Variants in RASA2 observed in about 807,000 individuals in gnomAD.
The protein encoded by RASA2 is RAS p21 protein activator 2.
In RASA2, 155 loss-of-function variants were observed where a neutral mutation model predicts 118.2. The observed-to-expected ratio is 1.31, with a 90% CI of 1.15 to 1.50. The LOEUF (loss-of-function observed/expected upper bound fraction) is 1.50. RASA2 is among the 40% of genes most tolerant of loss of function. The pLI is 0.00. For missense variants in RASA2, 1,016 were observed against 1,009.6 expected, an observed-to-expected ratio of 1.01 and a Z score of -0.09; for synonymous variants, 353 against 349.1, an observed-to-expected ratio of 1.01 and a Z score of -0.12.
intron 3 of RASA2, among the ~76,000 whole-genome samples, chr3:141,521,315 A>G (rs1226430781): frequency 1.3e-5 from 2 of 152,158 alleles, no homozygotes; most frequent in South Asian, 2.1e-4. Context: ...AGAAAGAAAG[A>G]TGGGAGAGAT....
chr3:141,591,712 C>G (rs1260645816), intron 19 of RASA2, among the ~76,000 whole-genome samples: 5 of 152,208 alleles, frequency 3.3e-5, no homozygotes. Flanking sequence ...ATACACACAA[C>G]TTTCATGTGA....
At chr3:141,512,045 T>C (rs79597690) in intron 1 of RASA2, 118 bp from the exon 2 acceptor site, 1 of 326,402 alleles carries the variant, frequency 3.1e-6, no homozygotes, top group Non-Finnish European at 5.3e-6. Context: ...ATCACTAGTG[T>C]TTTTTTTTTT....
chr3:141,527,293 A>T (rs1341984537), intron 3 of RASA2, among the ~76,000 whole-genome samples: 1 of 152,188 alleles, frequency 6.6e-6, no homozygotes, highest in East Asian at 1.9e-4. Flanking sequence ...ACTAAAAATT[A>T]TGGAAATTGT....
chr3:141,554,588 G>T (rs971051701), intron 6 of RASA2, among the ~76,000 whole-genome samples: 2 of 152,114 alleles, frequency 1.3e-5, no homozygotes, highest in Non-Finnish European at 2.9e-5. Flanking sequence ...CAACTTGAAG[G>T]TTTAGAATCA....
intron 19 of RASA2, among the ~76,000 whole-genome samples, chr3:141,598,753 TC>T (rs550922536): frequency 6.6e-6 from 1 of 151,268 alleles, no homozygotes; most frequent in Non-Finnish European, 1.5e-5. Context: ...TTACAGTAGT[TC>T]CCCCCCAAAA....
At chr3:141,499,438 G>A (rs922072923) in intron 1 of RASA2, among the ~76,000 whole-genome samples, 4 of 151,886 alleles carry the variant, frequency 2.6e-5, no homozygotes, top group East Asian at 1.9e-4. Context: ...ACACACACAC[G>A]AAAAAACAGT....
At position 141,576,985 on chromosome 3, in the gene RASA2, AT is replaced by A. The variant is rs985391018; in HGVS notation, c.1484-8del. On this transcript the variant is annotated splice_polypyrimidine_tract_variant and intron_variant, in intron 14 of 23. Transcript: ENST00000286364. Reference sequence around the variant, plus strand: ...TTGTTTTTGTGCATGACATTTCACCATTTTTTTCCTGCAGATGACCCTCATG... The same window carrying A: ...TTGTTTTTGTGCATGACATTTCACCATTTTTTCCTGCAGATGACCCTCATG... The A allele has an allele frequency of 2.2e-5, 34 of 1,526,082 alleles. No individual in the cohort carries two copies. Among genetic ancestry groups the A allele is most frequent in the Admixed American group, 9.8e-5 (5 of 50,798 alleles). 94.5% of individuals were successfully genotyped at this position (1,526,082 alleles called of 1,614,324 possible).
At chr3:141,558,679 GTAT>G (rs1268099467) in intron 7 of RASA2, among the ~76,000 whole-genome samples, 1 of 141,866 alleles carries the variant, frequency 7.0e-6, no homozygotes, top group Non-Finnish European at 1.6e-5. Flanking sequence ...GAACAAGCTG[GTAT>G]TATTTTGATT....
At chr3:141,586,546 T>C (rs891262674) in intron 18 of RASA2, 100 bp from the exon 19 acceptor site, 1 of 727,016 alleles carries the variant, frequency 1.4e-6, no homozygotes, top group African/African-American at 1.8e-5. Context: ...AATATAATCT[T>C]ACACTACTAT....
At chr3:141,541,760 T>C (rs1054199188) in intron 5 of RASA2, among the ~76,000 whole-genome samples, 10 of 152,078 alleles carry the variant, frequency 6.6e-5, no homozygotes, top group African/African-American at 2.4e-4. Flanking sequence ...TAACATGGAA[T>C]AGTTTTTTGC....
At chr3:141,487,328 G>T in intron 1 of RASA2, 112 bp downstream of exon 1, 1 of 1,166,768 alleles carries the variant, frequency 8.6e-7, no homozygotes, top group Non-Finnish European at 1.1e-6. Flanking sequence ...CGCGGGCCCG[G>T]GAGGGGGCCT....
chr3:141,570,458 G>C lies in RASA2; in HGVS notation c.864-454G>C, dbSNP rs145834666. Among the ~76,000 whole-genome samples, 756 of 152,232 alleles carry C rather than the reference G, an allele frequency of 5.0e-3. 4 individuals carry two copies. The highest frequency in any genetic ancestry group is 0.017 in the African/African-American group (708 of 41,552). On this transcript the variant is annotated intron_variant, in intron 9 of 23. Transcript: ENST00000286364. ...TGGTCTCGAACTCCTGACCTCAAGT[G>C]ATCTGCCTGCGTCAGCCTCCCAAAG...
chr3:141,502,289 A>G (rs1436970128), intron 1 of RASA2, among the ~76,000 whole-genome samples: 2 of 151,736 alleles, frequency 1.3e-5, no homozygotes, highest in Admixed American at 6.6e-5. Flanking sequence ...CTTTCCTCCT[A>G]TCTCCCTTTG....
rs138475744 is a variant in RASA2, at chr3:141,571,099, A to G, written c.1020+31A>G. 598 of 1,558,244 alleles carry G rather than the reference A, an allele frequency of 3.8e-4. 1 individual carries two copies. The highest frequency in any genetic ancestry group is 5.1e-4 in the Admixed American group (24 of 46,784). ...TTAAGAATCTTAAGGATATGATTTA[A>G]CACGAAACGGCTAAAATAATTCTAT... On this transcript the variant is annotated intron_variant, in intron 10 of 23. Coordinates refer to ENST00000286364, the MANE Select transcript of RASA2 (RefSeq NM_006506.5).
intron 5 of RASA2, among the ~76,000 whole-genome samples, chr3:141,546,084 T>G (rs2082481425): frequency 6.6e-6 from 1 of 152,242 alleles, no homozygotes; most frequent in South Asian, 2.1e-4. Flanking sequence ...ATATACCACA[T>G]TTTCTTTATC....
chr3:141,512,499 A>G (rs1175404810), intron 2 of RASA2, among the ~76,000 whole-genome samples: 3 of 152,302 alleles, frequency 2.0e-5, no homozygotes, highest in East Asian at 1.9e-4. Context: ...AATATTGCCT[A>G]TTCGTTTGAA....
chr3:141,529,009 G>C (rs2082221683), intron 3 of RASA2, among the ~76,000 whole-genome samples: 1 of 151,966 alleles, frequency 6.6e-6, no homozygotes. Context: ...TTTGTACCAA[G>C]ATGGCAAATA....
At position 141,539,883 on chromosome 3, in the gene RASA2, A is replaced by G. The variant is rs1232178542; in HGVS notation, c.451-650A>G. Among the ~76,000 whole-genome samples the G allele has an allele frequency of 2.6e-5, 4 of 152,290 alleles. No homozygotes were observed. In the East Asian group the frequency reaches 5.8e-4, roughly 22 times the overall value. On this transcript the variant is annotated intron_variant, in intron 4 of 23. Transcript: ENST00000286364. ...TTTAAGAAAGTACTCCTTTATTTTC[A>G]GTGTCCCATCTTTCCATCAAGACTC...
At position 141,609,415 on chromosome 3, in the gene RASA2, C is replaced by T. The variant is rs112582979; in HGVS notation, c.2226-5C>T. Reference sequence around the variant, plus strand: ...AATATCTTTATTTTTTTATTTTTACCATAGAGGTGTCCCTGCAGACATCCA... The same window carrying T: ...AATATCTTTATTTTTTTATTTTTACTATAGAGGTGTCCCTGCAGACATCCA... On this transcript the variant is annotated splice_region_variant and splice_polypyrimidine_tract_variant and intron_variant, in intron 21 of 23. Coordinates refer to ENST00000286364, the MANE Select transcript of RASA2 (RefSeq NM_006506.5). 1.3e-3 allele frequency: 1,932 copies of T among 1,501,156 alleles called. 24 individuals carry two copies. The African/African-American group carries it at 0.023, about 18-fold the overall frequency. The allele number at this position is 1,501,156 out of a possible 1,614,324, so 93.0% of individuals were successfully genotyped here. A position where few individuals can be genotyped will look rare whatever the true frequency, so the allele number is the denominator to read the frequency against.
Sources: gnomAD v4.1 joint callset for allele counts (sites outside exome capture counted in the v4.1 genomes callset) on GRCh38, gnomAD v4.1.1 for gene constraint, MANE v1.5 for transcripts, NCBI Gene and HGNC (gene_info 2026-07-23, HGNC 2026-07-21) for gene names.